The following KLF12 variants were observed in gnomAD, a reference collection of about 807,000 sequenced individuals.
The protein encoded by KLF12 is KLF transcription factor 12, also known as Krueppel-like factor 12.
KLF12 carries 9 observed loss-of-function variants against 37.8 expected under a neutral mutation model. That is an observed-to-expected ratio of 0.24 (90% confidence interval 0.14 to 0.42). The LOEUF (loss-of-function observed/expected upper bound fraction) is 0.42, where lower values mean the gene tolerates loss of function less well. Among genes scored for constraint, KLF12 ranks in the 10% least tolerant of loss-of-function variants. The pLI is 1.00. For synonymous variants in KLF12, 208 were observed against 202.1 expected (o/e 1.03, Z -0.25); for missense variants, 411 against 516.0 (o/e 0.80, Z 1.97).
chr13:74,140,961 G>A, the KLF12 span, among the ~76,000 whole-genome samples: 1 of 420 alleles, frequency 2.4e-3, no homozygotes, highest in African/African-American at 2.8e-3. Flanking sequence ...GGGGTGGGGG[G>A]TGCTGAGGCA....
the KLF12 span, among the ~76,000 whole-genome samples, chr13:74,174,036 G>A: frequency 1.1e-4 from 17 of 152,164 alleles, no homozygotes; most frequent in Non-Finnish European, 2.4e-4. Flanking sequence ...TAGACTGTGA[G>A]TCTGAGAATT....
chr13:74,276,394 C>T, the KLF12 span, among the ~76,000 whole-genome samples: 24 of 152,096 alleles, frequency 1.6e-4, no homozygotes, highest in South Asian at 2.1e-3. Flanking sequence ...AATTGTAATA[C>T]GATCAAATTT....
intron 5 of KLF12, among the ~76,000 whole-genome samples, chr13:73,782,159 TATTG>T (rs955358946): frequency 1.3e-5 from 2 of 152,186 alleles, no homozygotes; most frequent in African/African-American, 4.8e-5. Flanking sequence ...GTTCTGCACT[TATTG>T]ATTATGTGGT....
chr13:74,193,065 G>A, the KLF12 span, among the ~76,000 whole-genome samples: 4 of 147,434 alleles, frequency 2.7e-5, 1 homozygote, highest in Non-Finnish European at 3.0e-5. Context: ...TGCAACCTGC[G>A]GTTCCCGGGT....
chr13:74,240,482 C>T, the KLF12 span, among the ~76,000 whole-genome samples: 2,391 of 30,430 alleles, frequency 0.079, 198 homozygotes, highest in African/African-American at 0.27. Flanking sequence ...TGAATCTGAA[C>T]GTTGGCCTGC....
intron 4 of KLF12, among the ~76,000 whole-genome samples, chr13:73,838,671 C>T (rs199607611): frequency 9.2e-5 from 14 of 152,066 alleles, no homozygotes; most frequent in Middle Eastern, 3.4e-3. Flanking sequence ...ATAGACTCTG[C>T]GCTGCTGGTG....
Position 73,703,192 on chromosome 13 carries a change from C to CTACA in KLF12, c.1028-7525_1028-7522dup, listed in dbSNP as rs571890448. ...GTTGGGAAACTCAAAAATACACACA[C>CTACA]TACATACCTGGCAAATAATACCCAC... On this transcript the variant is annotated intron_variant, in intron 7 of 7. Coordinates refer to ENST00000377669, the MANE Select transcript of KLF12 (RefSeq NM_007249.5). Among the ~76,000 whole-genome samples the CTACA allele has an allele frequency of 1.6e-3, 238 of 152,220 alleles. 2 individuals are homozygous for CTACA. In the South Asian group the frequency reaches 0.023, roughly 14 times the overall value.
chr13:74,213,922 G>A, the KLF12 span, among the ~76,000 whole-genome samples: 1 of 151,902 alleles, frequency 6.6e-6, no homozygotes, highest in African/African-American at 2.4e-5. Context: ...TGAAGATTTA[G>A]CATTTTTACC....
chr13:73,805,833 C>T (rs60398067), intron 5 of KLF12, among the ~76,000 whole-genome samples: 91,725 of 151,950 alleles, frequency 0.6, 27,829 homozygotes, highest in African/African-American at 0.64. Context: ...GAGATGGAGT[C>T]TTGCTCTGTC....
At chr13:73,756,436 ATTT>A in intron 6 of KLF12, among the ~76,000 whole-genome samples, 1 of 152,274 alleles carries the variant, frequency 6.6e-6, no homozygotes, top group East Asian at 1.9e-4. Context: ...AATGCTGTCT[ATTT>A]TGACTGAACA....
chr13:74,029,132 A>G (rs1332037775), intron 1 of KLF12, among the ~76,000 whole-genome samples: 1 of 152,128 alleles, frequency 6.6e-6, no homozygotes, highest in African/African-American at 2.4e-5. Context: ...GAGGATATCT[A>G]ATCAATAATA....
intron 3 of KLF12, among the ~76,000 whole-genome samples, chr13:73,876,956 A>G (rs1886735754): frequency 6.6e-6 from 1 of 151,854 alleles, no homozygotes; most frequent in African/African-American, 2.4e-5. Flanking sequence ...CAAACGTTGC[A>G]GTGAGCAGAG....
At chr13:74,021,934 CT>C (rs1892850966) in intron 1 of KLF12, among the ~76,000 whole-genome samples, 1 of 152,164 alleles carries the variant, frequency 6.6e-6, no homozygotes, top group African/African-American at 2.4e-5. Flanking sequence ...ATGATGAGGT[CT>C]CCCTAATGTG....
chr13:74,061,909 T>G (rs1345691544), intron 1 of KLF12, among the ~76,000 whole-genome samples: 1 of 152,196 alleles, frequency 6.6e-6, no homozygotes, highest in African/African-American at 2.4e-5. Flanking sequence ...TTTTAAGAAG[T>G]AAACAAAAGA....
At chr13:73,944,451 GAT>G (rs1309193614) in intron 2 of KLF12, among the ~76,000 whole-genome samples, 2 of 152,238 alleles carry the variant, frequency 1.3e-5, no homozygotes, top group Admixed American at 6.5e-5. Context: ...ATTGTGCAAA[GAT>G]ATCCATAAAG....
chr13:74,158,536 C>A, the KLF12 span, among the ~76,000 whole-genome samples: 1 of 151,930 alleles, frequency 6.6e-6, no homozygotes, highest in Non-Finnish European at 1.5e-5. Flanking sequence ...AGCAGTTGGC[C>A]GGCTTCTTGA....
chr13:74,118,798 T>A (rs1196559258), intron 1 of KLF12, among the ~76,000 whole-genome samples: 1 of 152,088 alleles, frequency 6.6e-6, no homozygotes, highest in Non-Finnish European at 1.5e-5. Flanking sequence ...AAGCTGCACA[T>A]GCTCATGTGC....
At chr13:73,722,142 A>G (rs963823120) in intron 6 of KLF12, among the ~76,000 whole-genome samples, 1 of 152,182 alleles carries the variant, frequency 6.6e-6, no homozygotes, top group Non-Finnish European at 1.5e-5. Context: ...CACCTACAGA[A>G]TTCTGAATTA....
At chr13:74,276,458 C>T in the KLF12 span, among the ~76,000 whole-genome samples, 3 of 152,180 alleles carry the variant, frequency 2.0e-5, no homozygotes, top group South Asian at 2.1e-4. Flanking sequence ...TTATTTTGAA[C>T]AGGAATTGAA....
Sources: allele counts gnomAD v4.1 joint callset (sites outside exome capture counted in the v4.1 genomes callset), GRCh38; gene constraint gnomAD v4.1.1; transcripts MANE v1.5; gene names NCBI Gene and HGNC (gene_info 2026-07-23, HGNC 2026-07-21).